Variants in RARB observed in about 807,000 individuals in gnomAD.
RARB encodes the protein retinoic acid receptor beta, also known as HBV-activated protein.
In RARB, 17 loss-of-function variants were observed where a neutral mutation model predicts 51.9. The ratio of observed to expected loss-of-function variants is 0.33; its 90% CI spans 0.22 to 0.49. RARB has a LOEUF of 0.49. RARB is among the 20% of genes least tolerant of loss of function. The pLI is 0.99. For missense variants in RARB, 369 were observed against 550.8 expected (o/e 0.67, Z 3.30); for synonymous variants, 215 against 195.4 (o/e 1.10, Z -0.84).
intron 3 of RARB, among the ~76,000 whole-genome samples, chr3:25,069,384 T>C (rs58350560): frequency 7.0e-4 from 107 of 152,338 alleles, no homozygotes; most frequent in African/African-American, 2.4e-3. Context: ...AAAGTAAACC[T>C]TCTCTAAGGG....
intron 4 of RARB, among the ~76,000 whole-genome samples, chr3:25,151,833 A>G (rs906776129): frequency 4.6e-5 from 7 of 152,250 alleles, no homozygotes; most frequent in East Asian, 3.9e-4. Context: ...TACGGAAAAC[A>G]TAACACTGAG....
intron 3 of RARB, among the ~76,000 whole-genome samples, chr3:25,530,841 G>A (rs113398063): frequency 5.9e-5 from 9 of 152,234 alleles, no homozygotes; most frequent in African/African-American, 1.4e-4. Context: ...TACTGCCTAC[G>A]GTGAAGAACT....
At chr3:24,972,131 T>C (rs1475506548) in intron 2 of RARB, among the ~76,000 whole-genome samples, 2 of 152,006 alleles carry the variant, frequency 1.3e-5, no homozygotes, top group Non-Finnish European at 1.5e-5. Context: ...AATCAACCTC[T>C]CTTCAGCCTA....
At chr3:25,100,347 A>C (rs1699376132) in intron 3 of RARB, among the ~76,000 whole-genome samples, 2 of 152,210 alleles carry the variant, frequency 1.3e-5, no homozygotes, top group Admixed American at 1.3e-4. Context: ...TGTAATCTAA[A>C]TAACAAGAAG....
intron 3 of RARB, among the ~76,000 whole-genome samples, chr3:25,542,446 A>G (rs1699423865): frequency 2.6e-5 from 4 of 152,282 alleles, no homozygotes; most frequent in African/African-American, 9.6e-5. Flanking sequence ...GGTGGTGGTA[A>G]GGTAGAGAAA....
At chr3:25,339,272 A>G (rs966872539) in intron 5 of RARB, among the ~76,000 whole-genome samples, 8 of 152,180 alleles carry the variant, frequency 5.3e-5, no homozygotes, top group African/African-American at 1.7e-4. Context: ...TTCTCTGTAC[A>G]TCGTGAAGTA....
rs139494585 is a variant in RARB, at chr3:25,558,426, G to A, written c.449-11332G>A. 4.9e-4 allele frequency among the ~76,000 whole-genome samples: 75 copies of A among 151,860 alleles called. 1 individual carries two copies. Among genetic ancestry groups the A allele is most frequent in the African/African-American group, 1.6e-3 (65 of 41,398 alleles). On this transcript the variant is annotated intron_variant, in intron 3 of 7. Transcript: ENST00000330688. ...AATTCTTTTCTCCATTGGTTTCTGC[G>A]GTTTTTTATTCCAATTTCTCCCACA...
intron 2 of RARB, among the ~76,000 whole-genome samples, chr3:24,905,423 C>A (rs1694841015): frequency 6.6e-6 from 1 of 152,234 alleles, no homozygotes; most frequent in Non-Finnish European, 1.5e-5. Context: ...TCTCTTCTCA[C>A]ACTGCTCATC....
At chr3:25,023,665 G>A (rs1697684490) in intron 2 of RARB, among the ~76,000 whole-genome samples, 1 of 152,166 alleles carries the variant, frequency 6.6e-6, no homozygotes, top group Non-Finnish European at 1.5e-5. Context: ...AGCCAGGTGT[G>A]TGAAGTCTAT....
intron 2 of RARB, among the ~76,000 whole-genome samples, chr3:25,018,849 A>T (rs954746181): frequency 2.0e-5 from 3 of 152,116 alleles, no homozygotes; most frequent in African/African-American, 7.2e-5. Context: ...TGGGTGATGG[A>T]TAAGAAACTT....
chr3:25,044,224 T>G (rs947903280), intron 2 of RARB, among the ~76,000 whole-genome samples: 3 of 152,232 alleles, frequency 2.0e-5, no homozygotes, highest in Non-Finnish European at 4.4e-5. Context: ...CTTCAAGGAC[T>G]AATGACAGCT....
intron 5 of RARB, among the ~76,000 whole-genome samples, chr3:25,272,555 A>C (rs1374014203): frequency 6.6e-6 from 1 of 152,220 alleles, no homozygotes; most frequent in Non-Finnish European, 1.5e-5. Context: ...TACATATTAG[A>C]ATAACCTGTA....
Position 25,215,121 on chromosome 3 carries a change from G to A in RARB, c.178+40546G>A, listed in dbSNP as rs115372916. Among the ~76,000 whole-genome samples the A allele has an allele frequency of 5.5e-3, 832 of 152,148 alleles. 14 individuals carry two copies. Among genetic ancestry groups the A allele is most frequent in the African/African-American group, 0.018 (727 of 41,500 alleles). On this transcript the variant is annotated intron_variant, in intron 5 of 11. Transcript: ENST00000383772. ...GTTGTTCTTAATCCCAACTGTACAC[G>A]GACTCACCTGGGGCCCAAGTGTCAG...
intron 5 of RARB, among the ~76,000 whole-genome samples, chr3:25,191,312 T>G (rs149852618): frequency 6.6e-6 from 1 of 152,136 alleles, no homozygotes; most frequent in African/African-American, 2.4e-5. Flanking sequence ...AATCCATCTT[T>G]ACTTCCTCTG....
chr3:24,923,780 TAA>T (rs1695264728), intron 2 of RARB, among the ~76,000 whole-genome samples: 1 of 152,174 alleles, frequency 6.6e-6, no homozygotes, highest in African/African-American at 2.4e-5. Context: ...TTATGAAGCT[TAA>T]AGACTGGTAG....
chr3:25,120,209 C>A (rs754705239), intron 3 of RARB, among the ~76,000 whole-genome samples: 4 of 152,190 alleles, frequency 2.6e-5, no homozygotes, highest in Middle Eastern at 3.4e-3. Context: ...AAGAGGCTGG[C>A]AGATGAAAGA....
intron 2 of RARB, among the ~76,000 whole-genome samples, chr3:24,861,073 T>G (rs1477363612): frequency 6.6e-6 from 1 of 152,166 alleles, no homozygotes; most frequent in African/African-American, 2.4e-5. Context: ...AGTTGACCAC[T>G]GAGGGTTTTC....
chr3:24,964,475 A>C (rs771614591), intron 2 of RARB, among the ~76,000 whole-genome samples: 5 of 152,168 alleles, frequency 3.3e-5, no homozygotes, highest in Non-Finnish European at 7.3e-5. Context: ...CATTTTTATC[A>C]ACCCACCACT....
intron 2 of RARB, among the ~76,000 whole-genome samples, chr3:25,497,228 G>T (rs1697085610): frequency 1.3e-5 from 2 of 152,246 alleles, no homozygotes; most frequent in African/African-American, 4.8e-5. Context: ...TCTTGGGATA[G>T]TATTGAAACA....
Sources: allele counts gnomAD v4.1 joint callset (sites outside exome capture counted in the v4.1 genomes callset), GRCh38; gene constraint gnomAD v4.1.1; transcripts MANE v1.5; gene names NCBI Gene and HGNC (gene_info 2026-07-23, HGNC 2026-07-21).